Variants in MIDN observed in about 807,000 individuals in gnomAD.
MIDN encodes midbrain nucleolar protein.
A neutral mutation model predicts 46.1 loss-of-function variants in MIDN; 26 were observed. That is an observed-to-expected ratio of 0.56 (90% CI 0.41 to 0.78). The LOEUF is 0.78. Among genes scored for constraint, MIDN ranks in the 30% least tolerant of loss-of-function variants. MIDN has a pLI of 0.00. For missense variants in MIDN, 850 were observed against 771.8 expected, an observed-to-expected ratio of 1.10 and a Z score of -1.20; for synonymous variants, 432 against 343.3, an observed-to-expected ratio of 1.26 and a Z score of -2.86.
intron 2 of MIDN, 114 bp from the exon 3 acceptor site, chr19:1,251,448 G>C (rs1001762175): frequency 2.3e-6 from 2 of 887,068 alleles, no homozygotes; most frequent in Admixed American, 2.9e-5. Flanking sequence ...GAAGGGGTGG[G>C]GGTGGGAACT....
At chr19:1,251,264 G>C (rs75716760) in intron 2 of MIDN, 130 of 404,128 alleles carry the variant, frequency 3.2e-4, no homozygotes, top group African/African-American at 2.6e-3. Context: ...AGGTGGCATA[G>C]AGCACACTGG....
chr19:1,255,628 C>G lies in MIDN; in HGVS notation c.1192C>G (p.Leu398Val), dbSNP rs1241608054. The G allele has an allele frequency of 1.9e-6, 3 of 1,606,634 alleles. No homozygotes were observed. The Admixed American group carries it at 5.0e-5, about 27-fold the overall frequency. The change falls in exon 8 of 9, where the codon CTC (leucine) becomes GTC (valine). Residue 398 changes from leucine to valine, a missense_variant. Coordinates refer to ENST00000682408, the MANE Select transcript of MIDN (RefSeq NM_001388306.1). The stretch of plus-strand genomic sequence containing the variant: ...CCCCAGAACTACCTCCTGCGAGAAG[C>G]TCACGGCTGCCCCCTCAGCCTCCCT... ...LAPRTTSCEKLTAAPSASLLQ... is the reference protein window; with the variant it reads ...LAPRTTSCEKVTAAPSASLLQ...
At chr19:1,253,027 G>A (rs1433133041) in intron 4 of MIDN, among the ~76,000 whole-genome samples, 1 of 142,338 alleles carries the variant, frequency 7.0e-6, no homozygotes, top group Non-Finnish European at 1.5e-5. Context: ...TCAGGAAGGA[G>A]CTGGGTTGGG....
At chr19:1,248,885 G>A (rs2081087129) in intron 1 of MIDN, among the ~76,000 whole-genome samples, 1 of 151,326 alleles carries the variant, frequency 6.6e-6, no homozygotes, top group Non-Finnish European at 1.5e-5. Flanking sequence ...CTTCACCGCG[G>A]GTGACCTTGA....
intron 8 of MIDN, among the ~76,000 whole-genome samples, chr19:1,255,907 G>A (rs1218526791): frequency 6.6e-6 from 1 of 152,250 alleles, no homozygotes; most frequent in Non-Finnish European, 1.5e-5. Context: ...GGGGCCACAG[G>A]CCCACTTCCT....
rs1352303909 is a variant in MIDN, at chr19:1,254,985, C to G, written c.909C>G (p.Pro303=). ...TTSTPGASPA[P]RSRKPGAVIE... ...CTACCCCAGGGGCCAGCCCTGCCCC[C>G]CGCTCCCGAAAACCCGGCGCCGTCA... The change falls in exon 7 of 9, where the codon CCC becomes CCG. Residue 303 remains proline (P), a synonymous_variant. Coordinates refer to ENST00000682408, the MANE Select transcript of MIDN (RefSeq NM_001388306.1). The G allele has an allele frequency of 4.3e-6, 7 of 1,613,240 alleles. No homozygotes were observed. The South Asian group carries it at 7.7e-5, about 18-fold the overall frequency.
intron 1 of MIDN, among the ~76,000 whole-genome samples, chr19:1,249,642 C>T (rs1436757757): frequency 2.0e-5 from 3 of 148,256 alleles, no homozygotes; most frequent in Admixed American, 1.3e-4. Flanking sequence ...GCCAGCCCCG[C>T]CCCCGCTGCG....
chr19:1,255,519 G>A lies in MIDN; in HGVS notation c.1083G>A (p.Arg361=), dbSNP rs780593955. 4.3e-6 allele frequency: 7 copies of A among 1,611,858 alleles called. 1 individual carries two copies. In the Admixed American group the frequency reaches 6.7e-5, roughly 15 times the overall value. ...QILNDLLSAT[R]HYQGMPPSLA... is the part of the protein sequence containing the mutation. ...TGAACGACCTCCTGAGCGCCACCCG[G>A]CACTACCAGGGCATGCCCCCTTCGC... is the stretch of plus-strand genomic sequence containing the variant. Residue 361 remains arginine (R), a synonymous_variant, in exon 8 of 9, where the codon CGG becomes CGA. Coordinates refer to ENST00000682408, the MANE Select transcript of MIDN (RefSeq NM_001388306.1).
rs1211888524 is a variant in MIDN, at chr19:1,257,081, A to G, written c.1345A>G (p.Arg449Gly). ...QLLLQQKRLRRKARRDARGPY... is the reference protein window; with the variant it reads ...QLLLQQKRLRGKARRDARGPY... ...GCTTCTGCAGCAGAAACGGCTCCGT[A>G]GAAAGGCCCGGCGGGACGCGCGGGG... The change falls in exon 9 of 9, where the codon AGA becomes GGA. Residue 449 changes from arginine (R) to glycine (G), a missense_variant. Arg to Gly is a moderately radical substitution (Grantham distance 125, BLOSUM62 -2). Coordinates refer to ENST00000682408, the MANE Select transcript of MIDN (RefSeq NM_001388306.1). 8 of 1,612,228 alleles carry G rather than the reference A, an allele frequency of 5.0e-6. No individual in the cohort carries two copies. The Admixed American group carries it at 1.0e-4, about 20-fold the overall frequency.
chr19:1,253,172 T>TG (rs1389733991), intron 4 of MIDN, among the ~76,000 whole-genome samples: 60 of 151,248 alleles, frequency 4.0e-4, no homozygotes, highest in Middle Eastern at 6.8e-3. Flanking sequence ...GGACTCCAGC[T>TG]GCTCTCGGGA....
intron 1 of MIDN, among the ~76,000 whole-genome samples, chr19:1,249,406 G>A (rs2081093269): frequency 6.7e-6 from 1 of 150,192 alleles, no homozygotes; most frequent in Admixed American, 6.6e-5. Flanking sequence ...TTTCCCGGAC[G>A]AAGGCGGCGG....
chr19:1,249,924 G>A lies in MIDN; in HGVS notation c.-373G>A, dbSNP rs1161695083. The A allele has an allele frequency of 2.0e-5, 3 of 151,998 alleles. No individual in the cohort carries two copies. Among genetic ancestry groups the A allele is most frequent in the Admixed American group, 6.5e-5 (1 of 15,278 alleles). 9.4% of individuals were successfully genotyped at this position (151,998 alleles called of 1,614,324 possible). ...GCGGCGGCGACGGCTGTTGCTAAGGGAGGGGACGCGCGAGGAAGCGCGACC... is the reference window on the plus strand; with the variant it reads ...GCGGCGGCGACGGCTGTTGCTAAGGAAGGGGACGCGCGAGGAAGCGCGACC... On this transcript the variant is annotated 5_prime_UTR_variant, in exon 2 of 9. Transcript: ENST00000682408.
intron 4 of MIDN, among the ~76,000 whole-genome samples, chr19:1,253,149 C>CGG (rs1406793879): frequency 6.6e-6 from 1 of 151,092 alleles, no homozygotes; most frequent in Non-Finnish European, 1.5e-5. Flanking sequence ...AGTTGCAGGG[C>CGG]GGGTGGTGGT....
intron 1 of MIDN, among the ~76,000 whole-genome samples, chr19:1,249,598 G>A (rs1262199576): frequency 6.7e-6 from 1 of 149,600 alleles, no homozygotes; most frequent in East Asian, 2.0e-4. Context: ...AATGGCTGCG[G>A]GCGCGGGCGG....
intron 1 of MIDN, among the ~76,000 whole-genome samples, chr19:1,248,960 C>T (rs1312887887): frequency 6.6e-6 from 1 of 152,052 alleles, no homozygotes; most frequent in East Asian, 1.9e-4. Context: ...TACAGTCTTT[C>T]GTTCCCGATC....
chr19:1,254,323 G>A lies in MIDN; in HGVS notation c.670G>A (p.Asp224Asn), dbSNP rs1195796182. 6.4e-7 allele frequency: 1 copy of A among 1,570,582 alleles called. No homozygotes were observed. The highest frequency in any genetic ancestry group is 8.6e-7 in the Non-Finnish European group (1 of 1,165,276). ...GGCCGCCGCCGCTGCTGCGCGGGGGGACCCCAGCATAGCCTCCCCCGTGTC... is the reference window on the plus strand; with the variant it reads ...GGCCGCCGCCGCTGCTGCGCGGGGGAACCCCAGCATAGCCTCCCCCGTGTC... Reference protein sequence around the residue: ...AAAAAAAARGDPSIASPVSSP... With the variant: ...AAAAAAAARGNPSIASPVSSP... Residue 224 changes from aspartate to asparagine, a missense_variant, in exon 6 of 9, where the codon GAC becomes AAC. Transcript: ENST00000682408.
In MIDN at chr19:1,257,105, G is replaced by T. The variant is rs763834960; in HGVS notation, c.1369G>T (p.Gly457Cys). 5.0e-6 allele frequency: 8 copies of T among 1,611,872 alleles called. No individual in the cohort carries two copies. The African/African-American group carries it at 9.3e-5, about 19-fold the overall frequency. Residue 457 changes from glycine (G) to cysteine (C), a missense_variant, in exon 9 of 9, where the codon GGT becomes TGT. Physicochemically the swap from Gly to Cys is radical, Grantham distance 159 (BLOSUM62 -3). Coordinates refer to ENST00000682408, the MANE Select transcript of MIDN (RefSeq NM_001388306.1). ...LRRKARRDAR[G>C]PYHWSPSRKA... is the part of the protein sequence containing the mutation. ...TAGAAAGGCCCGGCGGGACGCGCGGGGTCCGTACCACTGGTCACCCAGCCG... is the reference window on the plus strand; with the variant it reads ...TAGAAAGGCCCGGCGGGACGCGCGGTGTCCGTACCACTGGTCACCCAGCCG...
At position 1,257,006 on chromosome 19, in the gene MIDN, C is replaced by T. The variant is rs760894675; in HGVS notation, c.1270C>T (p.Arg424Trp). The T allele has an allele frequency of 1.2e-5, 19 of 1,610,040 alleles. No individual in the cohort carries two copies. Among genetic ancestry groups the T allele is most frequent in the Middle Eastern group, 3.3e-4 (2 of 6,078 alleles). The change falls in exon 9 of 9, where the codon CGG (arginine) becomes TGG (tryptophan). Residue 424 changes from arginine (R) to tryptophan (W), a missense_variant. Coordinates refer to ENST00000682408, the MANE Select transcript of MIDN (RefSeq NM_001388306.1). ...TACCTCCTTTGCAGGGGACCGGCTTCGGCAGACAGAAAACCGCGCCACGCG... is the reference window on the plus strand; with the variant it reads ...TACCTCCTTTGCAGGGGACCGGCTTTGGCAGACAGAAAACCGCGCCACGCG... ...RMCKPPGDRL[R>W]QTENRATRCK...
rs564894376 is a variant in MIDN at position 1,255,009 on chromosome 19, C to T, written c.933C>T (p.Val311=). The T allele has an allele frequency of 2.4e-5, 39 of 1,613,356 alleles. No homozygotes were observed. Among genetic ancestry groups the T allele is most frequent in the Admixed American group, 3.3e-5 (2 of 60,008 alleles). ...PAPRSRKPGA[V]IESFVNHAPG... ...CCCGCTCCCGAAAACCCGGCGCCGTCATCGAGAGCTTTGTGAATCACGCCC... is the reference window on the plus strand; with the variant it reads ...CCCGCTCCCGAAAACCCGGCGCCGTTATCGAGAGCTTTGTGAATCACGCCC... Residue 311 remains valine, a synonymous_variant, in exon 7 of 9, where the codon GTC becomes GTT. Transcript: ENST00000682408.
Sources: gnomAD v4.1 joint callset for allele counts (sites outside exome capture counted in the v4.1 genomes callset) on GRCh38, gnomAD v4.1.1 for gene constraint, MANE v1.5 for transcripts, NCBI Gene and HGNC (gene_info 2026-07-23, HGNC 2026-07-21) for gene names.